Variants in BACH2 observed in about 807,000 individuals in gnomAD.
BACH2 encodes the protein BACH transcriptional regulator 2, also known as transcription regulator protein BACH2.
In BACH2, 5 loss-of-function variants were observed where a neutral mutation model predicts 61.8. The observed-to-expected ratio is 0.08, with a 90% CI of 0.04 to 0.17. The LOEUF (loss-of-function observed/expected upper bound fraction) is 0.17. Ranked by LOEUF, BACH2 falls within the 10% of genes least tolerant of loss-of-function variation. The pLI, the probability that BACH2 is intolerant of heterozygous loss-of-function variation, is 1.00. For synonymous variants in BACH2, 446 were observed against 440.1 expected (o/e 1.01, Z -0.17); for missense variants, 824 against 1,091.1 (o/e 0.76, Z 3.45).
intron 3 of BACH2, among the ~76,000 whole-genome samples, chr6:90,224,697 G>A (rs918040027): frequency 6.6e-6 from 1 of 152,188 alleles, no homozygotes; most frequent in Non-Finnish European, 1.5e-5. Context: ...GATGTTTGCA[G>A]AGCCTCTGAA....
chr6:90,078,146 C>T (rs1303984201), intron 5 of BACH2, among the ~76,000 whole-genome samples: 2 of 152,196 alleles, frequency 1.3e-5, no homozygotes, highest in Non-Finnish European at 2.9e-5. Flanking sequence ...GCAATATTTT[C>T]TGTGGGGAAT....
At chr6:90,217,746 T>C (rs922993937) in intron 3 of BACH2, among the ~76,000 whole-genome samples, 4 of 152,124 alleles carry the variant, frequency 2.6e-5, no homozygotes, top group African/African-American at 9.7e-5. Flanking sequence ...CGGGAGACAA[T>C]TTTTTAATGG....
At chr6:90,014,969 T>G (rs1305191909) in intron 5 of BACH2, among the ~76,000 whole-genome samples, 1 of 148,004 alleles carries the variant, frequency 6.8e-6, no homozygotes, top group Non-Finnish European at 1.5e-5. Context: ...TTGTAAGAGA[T>G]GGAGTCTTAC....
intron 4 of BACH2, among the ~76,000 whole-genome samples, chr6:90,122,115 A>G (rs916352151): frequency 6.6e-6 from 1 of 152,200 alleles, no homozygotes; most frequent in Non-Finnish European, 1.5e-5. Flanking sequence ...CTCCTCCTGT[A>G]TATTTTGGGA....
In BACH2 at chr6:90,048,520, T is replaced by C. The variant is rs183199628; in HGVS notation, c.-12-39664A>G. The stretch of plus-strand genomic sequence containing the variant: ...TACAAAACTTTATGTTAATTTGCCA[T>C]TGTGGCAGTTCCTAGGAAAGATCCT... On this transcript the variant is annotated intron_variant, in intron 5 of 8. Transcript: ENST00000257749. 6.6e-5 allele frequency among the ~76,000 whole-genome samples: 10 copies of C among 152,312 alleles called. No individual in the cohort carries two copies. The East Asian group carries it at 1.7e-3, about 26-fold the overall frequency.
intron 4 of BACH2, among the ~76,000 whole-genome samples, chr6:90,098,302 C>T: frequency 6.6e-6 from 1 of 150,640 alleles, no homozygotes; most frequent in African/African-American, 2.4e-5. Context: ...CCCTTCCCTT[C>T]TTGGTTTAAT....
intron 4 of BACH2, among the ~76,000 whole-genome samples, chr6:90,114,649 C>T (rs985524817): frequency 6.6e-6 from 1 of 152,070 alleles, no homozygotes; most frequent in African/African-American, 2.4e-5. Context: ...CAACATAGCA[C>T]TGGAATTCCT....
At chr6:90,126,249 C>T (rs902945666) in intron 4 of BACH2, among the ~76,000 whole-genome samples, 68 of 152,266 alleles carry the variant, frequency 4.5e-4, no homozygotes, top group African/African-American at 1.4e-3. Flanking sequence ...CATGCTAAAA[C>T]GTATTTCAGT....
rs141451502 is a variant in BACH2, at chr6:90,251,547, C to T, written c.-275+966G>A. Among the ~76,000 whole-genome samples the T allele has an allele frequency of 2.1e-4, 21 of 98,220 alleles. No individual in the cohort carries two copies. The East Asian group carries it at 3.7e-3, about 17-fold the overall frequency. The allele number at this position is 98,220 out of a possible 152,430, so 64.4% of individuals were successfully genotyped here. A position where few individuals can be genotyped will look rare whatever the true frequency, so the allele number is the denominator to read the frequency against. On this transcript the variant is annotated intron_variant, in intron 3 of 8. Transcript: ENST00000257749. The stretch of plus-strand genomic sequence containing the variant: ...CACCTGCTTGACACATCTTAATCAA[C>T]ACTCTTTTGCTAGTCATATTAAAAA...
intron 5 of BACH2, among the ~76,000 whole-genome samples, chr6:90,053,182 T>G (rs1780141026): frequency 6.6e-6 from 1 of 152,202 alleles, no homozygotes; most frequent in African/African-American, 2.4e-5. Flanking sequence ...CCAGCAATAT[T>G]TGTTTAGATT....
intron 6 of BACH2, among the ~76,000 whole-genome samples, chr6:90,006,889 A>G (rs1375467272): frequency 1.3e-5 from 2 of 152,128 alleles, no homozygotes; most frequent in Non-Finnish European, 2.9e-5. Flanking sequence ...AAGTACCAGG[A>G]TGACAGGTGT....
At chr6:90,089,487 CAT>C (rs977592137) in intron 4 of BACH2, among the ~76,000 whole-genome samples, 1 of 152,072 alleles carries the variant, frequency 6.6e-6, no homozygotes, top group African/African-American at 2.4e-5. Flanking sequence ...TTAAAAGACA[CAT>C]GTGGCCATTG....
chr6:90,027,900 T>C (rs1446988246), intron 5 of BACH2, among the ~76,000 whole-genome samples: 1 of 152,254 alleles, frequency 6.6e-6, no homozygotes, highest in Admixed American at 6.5e-5. Context: ...TTATATACAC[T>C]TGTAATTCTA....
chr6:90,272,562 C>T (rs1771559507), intron 1 of BACH2, among the ~76,000 whole-genome samples: 1 of 152,198 alleles, frequency 6.6e-6, no homozygotes, highest in African/African-American at 2.4e-5. Context: ...TCATTTCTTG[C>T]TGCAACACTA....
At chr6:90,165,066 C>A (rs1192362105) in intron 4 of BACH2, among the ~76,000 whole-genome samples, 1 of 152,084 alleles carries the variant, frequency 6.6e-6, no homozygotes, top group Non-Finnish European at 1.5e-5. Context: ...CTGGCCAGGG[C>A]AATTAGGCAG....
Position 90,070,173 on chromosome 6 carries a change from G to A in BACH2, c.-13+18788C>T, listed in dbSNP as rs1293192005. ...TTGTTGGTCAAGGAGCAGGGGTTCT[G>A]GACAAGCACCCACCTACGGACAGCA... On this transcript the variant is annotated intron_variant, in intron 5 of 8. Transcript: ENST00000257749. Among the ~76,000 whole-genome samples the A allele has an allele frequency of 3.3e-5, 5 of 152,178 alleles. No individual in the cohort carries two copies. In the East Asian group the frequency reaches 7.7e-4, roughly 23 times the overall value.
intron 2 of BACH2, among the ~76,000 whole-genome samples, chr6:90,256,607 T>A (rs1189604099): frequency 6.6e-6 from 1 of 152,220 alleles, no homozygotes; most frequent in Non-Finnish European, 1.5e-5. Flanking sequence ...TGAGAAGTTA[T>A]CTTGTATTTT....
At chr6:90,186,271 A>G (rs1332348244) in intron 4 of BACH2, among the ~76,000 whole-genome samples, 2 of 152,236 alleles carry the variant, frequency 1.3e-5, no homozygotes, top group African/African-American at 4.8e-5. Context: ...TTAAGAAACC[A>G]AAACAGCCCT....
chr6:90,221,808 A>C (rs1174510592), intron 3 of BACH2, among the ~76,000 whole-genome samples: 4 of 152,194 alleles, frequency 2.6e-5, no homozygotes, highest in African/African-American at 9.6e-5. Flanking sequence ...CCGTAAGTAT[A>C]AACAGGGTTG....
Sources: allele counts gnomAD v4.1 joint callset (sites outside exome capture counted in the v4.1 genomes callset), GRCh38; gene constraint gnomAD v4.1.1; transcripts MANE v1.5; gene names NCBI Gene and HGNC (gene_info 2026-07-23, HGNC 2026-07-21).